The following EPC2 variants were observed in gnomAD, a reference collection of about 807,000 sequenced individuals.
EPC2 encodes the protein enhancer of polycomb 2, also known as enhancer of polycomb homolog 2.
A neutral mutation model predicts 92.1 loss-of-function variants in EPC2; 14 were observed. The observed-to-expected ratio is 0.15, with a 90% confidence interval of 0.10 to 0.24. The LOEUF (loss-of-function observed/expected upper bound fraction) is 0.24. Among genes scored for constraint, EPC2 ranks in the 10% least tolerant of loss-of-function variants. The pLI, the probability that EPC2 is intolerant of heterozygous loss-of-function variation, is 1.00. For missense variants in EPC2, 755 were observed against 971.5 expected (o/e 0.78, Z 2.96); for synonymous variants, 340 against 334.7 (o/e 1.02, Z -0.17).
At chr2:148,728,744 A>C (rs7607901) in intron 2 of EPC2, among the ~76,000 whole-genome samples, 2 of 147,914 alleles carry the variant, frequency 1.4e-5, no homozygotes, top group Non-Finnish European at 3.0e-5. Context: ...TTTTTTTTTT[A>C]AAAAAAGGCC....
At position 148,756,993 on chromosome 2, in the gene EPC2, G is replaced by A. The variant is rs1683202235; in HGVS notation, c.666+2860G>A. On this transcript the variant is annotated intron_variant, in intron 4 of 13. Coordinates refer to ENST00000258484, the MANE Select transcript of EPC2 (RefSeq NM_015630.4). ...TGAGCAGAGACGGTTGTGAGAAGGA[G>A]TAAAGGGGGCAAGTGGATTTGAATA... Among the ~76,000 whole-genome samples, 3 of 152,214 alleles carry A rather than the reference G, an allele frequency of 2.0e-5. No individual in the cohort carries two copies. The South Asian group carries it at 6.2e-4, about 31-fold the overall frequency.
rs181739175 is a variant in EPC2, at chr2:148,738,300, C to T, written c.314-5322C>T. Among the ~76,000 whole-genome samples, 376 of 152,332 alleles carry T rather than the reference C, an allele frequency of 2.5e-3. 4 individuals are homozygous for T. The highest frequency in any genetic ancestry group is 3.4e-3 in the Middle Eastern group (1 of 294). ...CCTGGCTGTTTGAGAGCCAGTTGCT[C>T]ATCTGTGATCCCACAGATACCCTGT... On this transcript the variant is annotated intron_variant, in intron 2 of 13. Transcript: ENST00000258484.
At chr2:148,778,782 G>T (rs908612948) in intron 10 of EPC2, among the ~76,000 whole-genome samples, 1 of 152,104 alleles carries the variant, frequency 6.6e-6, no homozygotes, top group African/African-American at 2.4e-5. Context: ...AGGAAAATCA[G>T]CTTGTTTCAA....
At position 148,650,227 on chromosome 2, in the gene EPC2, T is replaced by G. The variant is rs548298198; in HGVS notation, c.153+5057T>G. 3.3e-5 allele frequency among the ~76,000 whole-genome samples: 5 copies of G among 152,260 alleles called. No homozygotes were observed. The East Asian group carries it at 9.6e-4, about 29-fold the overall frequency. On this transcript the variant is annotated intron_variant, in intron 1 of 13. Coordinates refer to ENST00000258484, the MANE Select transcript of EPC2 (RefSeq NM_015630.4). ...TTGTTGAGTGTTGAATGGGCTTCTA[T>G]TTCTTTTTCTGTTCCAAGAGCTATA...
intron 3 of EPC2, among the ~76,000 whole-genome samples, chr2:148,746,808 GA>G (rs561730877): frequency 4.5e-4 from 66 of 148,204 alleles, no homozygotes; most frequent in Non-Finnish European, 7.9e-4. Flanking sequence ...AAAAGGATCA[GA>G]AAAAAAATTG....
intron 2 of EPC2, among the ~76,000 whole-genome samples, chr2:148,691,354 A>G (rs138150130): frequency 5.3e-5 from 8 of 152,206 alleles, no homozygotes; most frequent in African/African-American, 1.9e-4. Flanking sequence ...AAGGCTCAAC[A>G]TCCGGCCTAG....
In EPC2 at chr2:148,644,872, C is replaced by A; in HGVS notation, c.-146C>A. The A allele has an allele frequency of 1.5e-6, 1 of 667,030 alleles. No homozygotes were observed. The highest frequency in any genetic ancestry group is 2.5e-6 in the Non-Finnish European group (1 of 407,178). 41.3% of individuals were successfully genotyped at this position (667,030 alleles called of 1,614,324 possible). A position where few individuals can be genotyped will look rare whatever the true frequency, so the allele number is the denominator to read the frequency against. On this transcript the variant is annotated 5_prime_UTR_variant, in exon 1 of 14. The change creates a new upstream start codon in the 5' untranslated region. Transcript: ENST00000258484. ...TTTTCGGGCGGGGTGGGCGCCCATG[C>A]TGTGGCCGGGGGCAGTGAGGAGGAG...
chr2:148,710,624 T>G (rs1329754832), intron 2 of EPC2, among the ~76,000 whole-genome samples: 1 of 152,136 alleles, frequency 6.6e-6, no homozygotes, highest in East Asian at 1.9e-4. Context: ...TAGACTGGAT[T>G]AAGAAAATGT....
chr2:148,743,948 G>A (rs1001713920), intron 3 of EPC2, among the ~76,000 whole-genome samples, 181 bp downstream of exon 3: 1 of 152,068 alleles, frequency 6.6e-6, no homozygotes, highest in African/African-American at 2.4e-5. Context: ...ATAAGAGTAT[G>A]AAGAGTACTG....
intron 1 of EPC2, among the ~76,000 whole-genome samples, chr2:148,666,688 A>T (rs1204524118): frequency 6.6e-6 from 1 of 152,184 alleles, no homozygotes; most frequent in Admixed American, 6.6e-5. Flanking sequence ...CTCAGAGTGT[A>T]GTCCCAAATG....
chr2:148,708,142 T>G (rs1273151603), intron 2 of EPC2, among the ~76,000 whole-genome samples: 13 of 151,990 alleles, frequency 8.6e-5, no homozygotes, highest in Admixed American at 8.5e-4. Flanking sequence ...ATAGATGCAG[T>G]AAAAAATGAT....
intron 4 of EPC2, among the ~76,000 whole-genome samples, chr2:148,761,537 C>G (rs1683300576): frequency 6.6e-6 from 1 of 152,120 alleles, no homozygotes; most frequent in African/African-American, 2.4e-5. Flanking sequence ...GAAATTATCT[C>G]TTTATGCCAT....
At chr2:148,691,770 C>T (rs1386673944) in intron 2 of EPC2, 1 of 769,782 alleles carries the variant, frequency 1.3e-6, no homozygotes, top group South Asian at 1.5e-5. Context: ...CTTCTCCTTT[C>T]TACCTAAGGG....
At chr2:148,766,596 T>G (rs1233519184) in intron 7 of EPC2, among the ~76,000 whole-genome samples, 1 of 152,160 alleles carries the variant, frequency 6.6e-6, no homozygotes, top group Non-Finnish European at 1.5e-5. Flanking sequence ...AGAGTAATTT[T>G]CCAGATAGAA....
intron 1 of EPC2, among the ~76,000 whole-genome samples, chr2:148,654,282 T>C (rs147359435): frequency 1.1e-3 from 170 of 152,284 alleles, no homozygotes; most frequent in African/African-American, 3.7e-3. Context: ...TAAGTCTGTG[T>C]CTTATAGGCA....
chr2:148,781,822 T>A, intron 11 of EPC2, 42 bp downstream of exon 11: 2 of 1,609,236 alleles, frequency 1.2e-6, no homozygotes, highest in Non-Finnish European at 1.7e-6. Context: ...GTTTCTTTCA[T>A]CATTATGTAG....
rs143601577 is a variant in EPC2 at position 148,708,861 on chromosome 2, A to G, written c.313+18488A>G. 7.2e-3 allele frequency among the ~76,000 whole-genome samples: 1,091 copies of G among 152,304 alleles called. 6 individuals are homozygous for G. The highest frequency in any genetic ancestry group is 0.025 in the African/African-American group (1,025 of 41,564). The stretch of plus-strand genomic sequence containing the variant: ...AACATATCTCAAAATAGTAAGAGCT[A>G]TTTATGACAAACCCACAGCCAGTAT... On this transcript the variant is annotated intron_variant, in intron 2 of 13. Transcript: ENST00000258484.
chr2:148,646,096 T>G (rs773681095), intron 1 of EPC2, among the ~76,000 whole-genome samples: 27 of 152,200 alleles, frequency 1.8e-4, no homozygotes, highest in Non-Finnish European at 3.5e-4. Flanking sequence ...TCGAGTGGTG[T>G]TACTTGCGTG....
At chr2:148,647,441 G>A (rs1282543946) in intron 1 of EPC2, among the ~76,000 whole-genome samples, 3 of 151,626 alleles carry the variant, frequency 2.0e-5, no homozygotes, top group Non-Finnish European at 4.4e-5. Context: ...CCGAGCAGCT[G>A]AGATTATAGG....
Sources: gnomAD v4.1 joint callset for allele counts (sites outside exome capture counted in the v4.1 genomes callset) on GRCh38, gnomAD v4.1.1 for gene constraint, MANE v1.5 for transcripts, NCBI Gene and HGNC (gene_info 2026-07-23, HGNC 2026-07-21) for gene names.